Variants in SWT1 observed in about 807,000 individuals in gnomAD.
The protein encoded by SWT1 is transcriptional protein SWT1.
In SWT1, 33 loss-of-function variants were observed where a neutral mutation model predicts 107.3. That is an observed-to-expected ratio of 0.31 (90% confidence interval 0.23 to 0.41). The LOEUF is 0.41. Ranked by LOEUF, SWT1 falls within the 10% of genes least tolerant of loss-of-function variation. SWT1 has a pLI of 1.00. For synonymous variants in SWT1, 345 were observed against 348.3 expected (o/e 0.99, Z 0.11); for missense variants, 898 against 1,028.9 (o/e 0.87, Z 1.74).
At chr1:185,290,097 T>C (rs1665161366) in intron 18 of SWT1, among the ~76,000 whole-genome samples, 2 of 151,216 alleles carry the variant, frequency 1.3e-5, no homozygotes, top group Admixed American at 6.6e-5. Flanking sequence ...ACCCTGTCTC[T>C]ACCAAAAAAA....
chr1:185,187,002 G>A (rs1656533051), intron 9 of SWT1, among the ~76,000 whole-genome samples: 1 of 145,822 alleles, frequency 6.9e-6, no homozygotes. Context: ...TGATCCACCC[G>A]CCTTGGCCTC....
intron 18 of SWT1, among the ~76,000 whole-genome samples, chr1:185,289,232 A>T (rs1665116280): frequency 6.6e-6 from 1 of 152,268 alleles, no homozygotes; most frequent in African/African-American, 2.4e-5. Context: ...CAAATAACAT[A>T]GGAAGATAAA....
upstream of SWT1, chr1:185,157,158 T>G: frequency 6.0e-6 from 1 of 166,442 alleles, no homozygotes; most frequent in South Asian, 1.3e-4. Flanking sequence ...GCGAGCGCTG[T>G]GGGGCGGTGA....
chr1:185,277,814 CT>C (rs372717086), intron 18 of SWT1, among the ~76,000 whole-genome samples: 37 of 146,954 alleles, frequency 2.5e-4, no homozygotes, highest in South Asian at 6.4e-4. Flanking sequence ...TAGTTCTCAT[CT>C]TTTTTTTTTG....
chr1:185,251,322 G>A (rs1160312575), intron 16 of SWT1: 1 of 152,820 alleles, frequency 6.5e-6, no homozygotes, highest in Non-Finnish European at 1.5e-5. Context: ...AGGCTGGTCT[G>A]AGTGCAGTGG....
intron 16 of SWT1, among the ~76,000 whole-genome samples, chr1:185,237,969 T>C (rs1661010242): frequency 6.6e-6 from 1 of 152,000 alleles, no homozygotes; most frequent in Non-Finnish European, 1.5e-5. Flanking sequence ...CTCTGCTACC[T>C]TTTAGCATGT....
At chr1:185,254,626 T>G (rs1254793107) in intron 16 of SWT1, among the ~76,000 whole-genome samples, 1 of 151,916 alleles carries the variant, frequency 6.6e-6, no homozygotes, top group Non-Finnish European at 1.5e-5. Context: ...GGTGGTGATA[T>G]CCCCTTTATC....
intron 1 of SWT1, among the ~76,000 whole-genome samples, chr1:185,158,947 C>T (rs967124794): frequency 2.6e-5 from 4 of 152,264 alleles, no homozygotes; most frequent in Middle Eastern, 6.8e-3. Flanking sequence ...GGTGCAGGAT[C>T]ATCAGCTTCA....
intron 16 of SWT1, among the ~76,000 whole-genome samples, chr1:185,244,359 C>G (rs1006654633): frequency 2.0e-5 from 3 of 152,110 alleles, no homozygotes; most frequent in African/African-American, 7.2e-5. Flanking sequence ...TGGCCTGTTG[C>G]TGCTGGATTA....
chr1:185,277,604 T>G (rs1269898962), intron 18 of SWT1, among the ~76,000 whole-genome samples: 1 of 152,162 alleles, frequency 6.6e-6, no homozygotes, highest in Non-Finnish European at 1.5e-5. Flanking sequence ...CTTAGTCTTA[T>G]TATGGAAATA....
chr1:185,188,533 T>C (rs889654189), intron 9 of SWT1, among the ~76,000 whole-genome samples: 2 of 152,216 alleles, frequency 1.3e-5, no homozygotes, highest in African/African-American at 2.4e-5. Flanking sequence ...CTCACACTCA[T>C]GTCCTGACAT....
chr1:185,219,091 C>T (rs1345979684), intron 14 of SWT1, among the ~76,000 whole-genome samples: 2 of 152,106 alleles, frequency 1.3e-5, no homozygotes, highest in African/African-American at 4.8e-5. Flanking sequence ...TCATTTATGT[C>T]TATTCATTAA....
chr1:185,267,759 A>G (rs1482240750), intron 16 of SWT1, among the ~76,000 whole-genome samples: 1 of 152,196 alleles, frequency 6.6e-6, no homozygotes, highest in Non-Finnish European at 1.5e-5. Context: ...ATTTTTCCCA[A>G]GGGCTAATTT....
In SWT1 at chr1:185,291,593, A is replaced by G. The variant is rs1255743342; in HGVS notation, c.*790A>G. ...GTTGGAAGTCCTTGTTTACTGGAAT[A>G]TATTATGCTTTTGTTAACACATTAG... On this transcript the variant is annotated 3_prime_UTR_variant, in exon 19 of 19. Transcript: ENST00000367500. The G allele has an allele frequency of 2.0e-5, 3 of 152,758 alleles. No individual in the cohort carries two copies. The highest frequency in any genetic ancestry group is 3.9e-4 in the East Asian group (2 of 5,184). The allele number at this position is 152,758 out of a possible 1,614,324, so 9.5% of individuals were successfully genotyped here.
At chr1:185,222,262 G>A (rs967749376) in intron 15 of SWT1, among the ~76,000 whole-genome samples, 7 of 151,974 alleles carry the variant, frequency 4.6e-5, no homozygotes, top group Admixed American at 1.3e-4. Context: ...GTTTATCCAC[G>A]TTGTCACAAG....
At chr1:185,259,058 C>T (rs559164656) in intron 16 of SWT1, among the ~76,000 whole-genome samples, 1 of 152,184 alleles carries the variant, frequency 6.6e-6, no homozygotes, top group Admixed American at 6.5e-5. Flanking sequence ...TTCACTAAAT[C>T]TCTTCCCAAT....
intron 16 of SWT1, among the ~76,000 whole-genome samples, chr1:185,236,635 A>G (rs1055702879): frequency 1.3e-5 from 2 of 152,232 alleles, no homozygotes; most frequent in African/African-American, 4.8e-5. Flanking sequence ...AACCTAGGCA[A>G]TACCATTCAG....
At chr1:185,165,126 C>T (rs1654460584) in intron 2 of SWT1, among the ~76,000 whole-genome samples, 1 of 152,004 alleles carries the variant, frequency 6.6e-6, no homozygotes, top group Non-Finnish European at 1.5e-5. Context: ...GAGAGACTGG[C>T]GAATGGGTGA....
chr1:185,169,503 G>A (rs1050659141), intron 4 of SWT1, among the ~76,000 whole-genome samples: 4 of 152,058 alleles, frequency 2.6e-5, no homozygotes, highest in African/African-American at 9.7e-5. Flanking sequence ...TGAAAAATTA[G>A]AGATAATTTT....
Sources: allele counts gnomAD v4.1 joint callset (sites outside exome capture counted in the v4.1 genomes callset), GRCh38; gene constraint gnomAD v4.1.1; transcripts MANE v1.5; gene names NCBI Gene and HGNC (gene_info 2026-07-23, HGNC 2026-07-21).